Variants in RASAL2 observed in about 807,000 individuals in gnomAD.
RASAL2 encodes ras GTPase-activating protein nGAP.
A neutral mutation model predicts 128.9 loss-of-function variants in RASAL2; 58 were observed. The observed-to-expected ratio is 0.45, with a 90% CI of 0.36 to 0.56. The LOEUF (loss-of-function observed/expected upper bound fraction) is 0.56. Among genes scored for constraint, RASAL2 ranks in the 20% least tolerant of loss-of-function variants. The pLI, the probability that RASAL2 is intolerant of heterozygous loss-of-function variation, is 0.00. For missense variants in RASAL2, 1,360 were observed against 1,601.6 expected (o/e 0.85, Z 2.57); for synonymous variants, 561 against 580.8 (o/e 0.97, Z 0.49).
chr1:178,464,586 G>A (rs1647453008), intron 15 of RASAL2, among the ~76,000 whole-genome samples, 174 bp downstream of exon 15: 1 of 151,772 alleles, frequency 6.6e-6, no homozygotes, highest in Admixed American at 6.6e-5. Flanking sequence ...GTGTGTGTGT[G>A]TGTGTGTGTG....
rs1388021254 is a variant in RASAL2, at chr1:178,283,625, A to G, written c.264A>G (p.Thr88=). The part of the protein sequence containing the change: ...SCGQSPYTET[T]TWERKYCILT... ...GTCAGTCACCCTACACCGAGACAAC[A>G]ACGTGGGAGCGGAAGTATTGCATCC... Residue 88 remains threonine, a synonymous_variant, in exon 2 of 18, where the codon ACA becomes ACG. Transcript: ENST00000367649. 18 of 1,614,058 alleles carry G rather than the reference A, an allele frequency of 1.1e-5. No individual in the cohort carries two copies. The highest frequency in any genetic ancestry group is 2.2e-5 in the East Asian group (1 of 44,854).
chr1:178,223,306 C>T (rs1663681631), intron 1 of RASAL2, among the ~76,000 whole-genome samples: 1 of 152,096 alleles, frequency 6.6e-6, no homozygotes, highest in Non-Finnish European at 1.5e-5. Context: ...ATGCATTGGG[C>T]TGTAAAGGCC....
chr1:178,099,141 T>C (rs1268270341), intron 1 of RASAL2, among the ~76,000 whole-genome samples: 1 of 152,206 alleles, frequency 6.6e-6, no homozygotes, highest in Non-Finnish European at 1.5e-5. Flanking sequence ...AGAAAATCAG[T>C]GAGTGTGTAT....
rs553631022 is a variant in RASAL2 at position 178,285,181 on chromosome 1, C to T, written c.330+1490C>T. ...CAGGCCGGACTGTGGACTGCAGTGGCACAATCTCGGCTCACTGCAAGCTCC... is the reference window on the plus strand; with the variant it reads ...CAGGCCGGACTGTGGACTGCAGTGGTACAATCTCGGCTCACTGCAAGCTCC... On this transcript the variant is annotated intron_variant, in intron 2 of 17. Coordinates refer to ENST00000367649, the MANE Select transcript of RASAL2 (RefSeq NM_170692.4). 5.8e-3 allele frequency among the ~76,000 whole-genome samples: 791 copies of T among 136,040 alleles called. 9 individuals carry two copies. The highest frequency in any genetic ancestry group is 0.021 in the African/African-American group (739 of 35,326). 89.2% of individuals were successfully genotyped at this position (136,040 alleles called of 152,430 possible). A position where few individuals can be genotyped will look rare whatever the true frequency, so the allele number is the denominator to read the frequency against.
At chr1:178,134,169 A>G (rs1332409528) in intron 1 of RASAL2, among the ~76,000 whole-genome samples, 1 of 152,234 alleles carries the variant, frequency 6.6e-6, no homozygotes, top group African/African-American at 2.4e-5. Context: ...TGTAGGCAAG[A>G]TGTTGGCAAG....
intron 3 of RASAL2, among the ~76,000 whole-genome samples, chr1:178,349,475 A>G (rs1670344485): frequency 6.6e-6 from 1 of 151,936 alleles, no homozygotes; most frequent in African/African-American, 2.4e-5. Context: ...AGGACTTTAC[A>G]TTTGGGGTCA....
Position 178,473,384 on chromosome 1 carries a change from T to C in RASAL2, c.*145T>C. ...AACTCCTGAATGAAGAAAGGAACCT[T>C]GTCTTTCAGGGCATAAGGCGGCGAC... On this transcript the variant is annotated 3_prime_UTR_variant, in exon 18 of 18. Coordinates refer to ENST00000367649, the MANE Select transcript of RASAL2 (RefSeq NM_170692.4). The C allele has an allele frequency of 9.5e-7, 1 of 1,057,288 alleles. No homozygotes were observed. The highest frequency in any genetic ancestry group is 1.4e-6 in the Non-Finnish European group (1 of 740,684). The allele number at this position is 1,057,288 out of a possible 1,614,324, so 65.5% of individuals were successfully genotyped here. A position where few individuals can be genotyped will look rare whatever the true frequency, so the allele number is the denominator to read the frequency against.
In RASAL2 at chr1:178,458,433, C is replaced by T; in HGVS notation, c.3141C>T (p.Ala1047=). 6.2e-7 allele frequency: 1 copy of T among 1,614,172 alleles called. No individual in the cohort carries two copies. Among genetic ancestry groups the T allele is most frequent in the Non-Finnish European group, 8.5e-7 (1 of 1,180,026 alleles). The stretch of plus-strand genomic sequence containing the variant: ...GGAGCATGTCAGTGGTGTCCGCAGC[C>T]CTGGTGGCCGAACCTGTGCAGAATG... The part of the protein sequence containing the change: ...STGSMSVVSA[A]LVAEPVQNGS... Residue 1047 remains alanine, a synonymous_variant, in exon 14 of 18, where the codon GCC becomes GCT. Coordinates refer to ENST00000367649, the MANE Select transcript of RASAL2 (RefSeq NM_170692.4).
intron 2 of RASAL2, among the ~76,000 whole-genome samples, chr1:178,295,866 T>G (rs1302635425): frequency 1.3e-5 from 2 of 152,224 alleles, no homozygotes; most frequent in African/African-American, 4.8e-5. Context: ...GAGCATCTTT[T>G]TAGCATTCTT....
At chr1:178,167,596 A>G (rs1208972698) in intron 1 of RASAL2, among the ~76,000 whole-genome samples, 3 of 152,070 alleles carry the variant, frequency 2.0e-5, no homozygotes, top group Non-Finnish European at 4.4e-5. Flanking sequence ...GTCTCTTCCA[A>G]AACTTAACTA....
chr1:178,155,115 G>A (rs1415904425), intron 1 of RASAL2, among the ~76,000 whole-genome samples: 1 of 152,038 alleles, frequency 6.6e-6, no homozygotes, highest in Non-Finnish European at 1.5e-5. Context: ...GAGCCACCGC[G>A]CCTGGCCAGA....
intron 1 of RASAL2, among the ~76,000 whole-genome samples, chr1:178,178,671 A>G (rs1238693291): frequency 6.6e-6 from 1 of 152,128 alleles, no homozygotes; most frequent in East Asian, 1.9e-4. Flanking sequence ...AGCTACTAGT[A>G]CTCAAACAGT....
chr1:178,179,768 A>G (rs1165744620), intron 1 of RASAL2, among the ~76,000 whole-genome samples: 7 of 152,202 alleles, frequency 4.6e-5, no homozygotes, highest in South Asian at 2.1e-4. Context: ...CCTGCAACTG[A>G]TGATCTATTC....
At chr1:178,314,220 G>C (rs1668392104) in intron 3 of RASAL2, among the ~76,000 whole-genome samples, 1 of 152,176 alleles carries the variant, frequency 6.6e-6, no homozygotes, top group South Asian at 2.1e-4. Flanking sequence ...CAAAAGTGGA[G>C]TTTTTATACC....
chr1:178,201,793 T>G (rs1464455670), intron 1 of RASAL2, among the ~76,000 whole-genome samples: 4 of 152,214 alleles, frequency 2.6e-5, no homozygotes, highest in Admixed American at 6.5e-5. Context: ...ACTTAATTTA[T>G]ATAAGCAGAA....
intron 1 of RASAL2, among the ~76,000 whole-genome samples, chr1:178,257,972 A>G (rs1665460535): frequency 6.6e-6 from 1 of 152,146 alleles, no homozygotes. Context: ...GACTTCATCA[A>G]TATTTAAAAC....
chr1:178,133,530 G>A (rs533066584), intron 1 of RASAL2, among the ~76,000 whole-genome samples: 2 of 151,058 alleles, frequency 1.3e-5, no homozygotes, highest in South Asian at 2.1e-4. Context: ...GTAAGGAGTT[G>A]GGGAATGTGT....
intron 1 of RASAL2, among the ~76,000 whole-genome samples, chr1:178,276,884 C>G (rs1267112554): frequency 6.6e-6 from 1 of 151,936 alleles, no homozygotes; most frequent in Non-Finnish European, 1.5e-5. Context: ...CACAGTGGCT[C>G]ATGCCTGTAA....
At chr1:178,472,402 A>G (rs1282707000) in intron 17 of RASAL2, among the ~76,000 whole-genome samples, 1 of 152,062 alleles carries the variant, frequency 6.6e-6, no homozygotes. Context: ...TGGGTCTAGG[A>G]GCCTGTGTTC....
Sources: gnomAD v4.1 joint callset for allele counts (sites outside exome capture counted in the v4.1 genomes callset) on GRCh38, gnomAD v4.1.1 for gene constraint, MANE v1.5 for transcripts, NCBI Gene and HGNC (gene_info 2026-07-23, HGNC 2026-07-21) for gene names.